KNG1: variants seen among roughly 807,000 people sequenced by gnomAD.
KNG1 encodes the protein kininogen 1, also known as kininogen-1.
KNG1 carries 23 observed loss-of-function variants against 47.8 expected under a neutral mutation model. The observed-to-expected ratio is 0.48, with a 90% confidence interval of 0.35 to 0.68. The LOEUF is 0.68. KNG1 is among the 30% of genes least tolerant of loss of function. The pLI, the probability that KNG1 is intolerant of heterozygous loss-of-function variation, is 0.01. For synonymous variants in KNG1, 277 were observed against 277.0 expected (o/e 1.00, Z 0.00); for missense variants, 762 against 790.2 (o/e 0.96, Z 0.43).
At chr3:186,738,976 T>A (rs1325818706) in intron 7 of KNG1, 123 bp from the exon 8 acceptor site, 1 of 804,702 alleles carries the variant, frequency 1.2e-6, no homozygotes, top group Non-Finnish European at 2.1e-6. Flanking sequence ...TGTACTTTTT[T>A]GTATGTAACT....
intron 1 of KNG1, among the ~76,000 whole-genome samples, chr3:186,719,264 C>T (rs746392327): frequency 5.9e-5 from 9 of 151,904 alleles, no homozygotes; most frequent in Admixed American, 3.3e-4. Context: ...AATTATATCT[C>T]AATAAAGCTG....
At chr3:186,727,474 T>G in intron 5 of KNG1, 130 bp downstream of exon 5, 1 of 690,108 alleles carries the variant, frequency 1.4e-6, no homozygotes, top group South Asian at 1.6e-5. Context: ...TCACATTTAC[T>G]TGGGAAGACT....
Position 186,742,122 on chromosome 3 carries a change from A to C in KNG1, c.1726A>C (p.Ile576Leu). 6.2e-7 allele frequency: 1 copy of C among 1,614,096 alleles called. No individual in the cohort carries two copies. Among genetic ancestry groups the C allele is most frequent in the East Asian group, 2.2e-5 (1 of 44,876 alleles). Residue 576 changes from isoleucine to leucine, a missense_variant, in exon 10 of 10, where the codon ATA (isoleucine) becomes CTA (leucine). Transcript: ENST00000644859. The part of the protein sequence containing the change: ...SDLIATMMPP[I>L]SPAPIQSDDD... ...TCTCATTGCAACTATGATGCCTCCT[A>C]TATCACCAGCTCCCATACAGAGTGA...
At chr3:186,728,134 C>T (rs1247999249) in intron 5 of KNG1, among the ~76,000 whole-genome samples, 1 of 152,164 alleles carries the variant, frequency 6.6e-6, no homozygotes, top group Non-Finnish European at 1.5e-5. Context: ...TCCTTCTTAG[C>T]ATCGTATCTT....
chr3:186,737,617 C>T (rs1160176771), intron 7 of KNG1, among the ~76,000 whole-genome samples: 4 of 151,992 alleles, frequency 2.6e-5, no homozygotes, highest in East Asian at 1.9e-4. Context: ...AGTGTAGTGG[C>T]GTGATCTTGG....
chr3:186,741,564 T>C lies in KNG1; in HGVS notation c.1168T>C (p.Ser390Pro), dbSNP rs1255977429. Reference protein sequence around the residue: ...KRPPGFSPFRSSRIGEIKEET... With the variant: ...KRPPGFSPFRPSRIGEIKEET... ...GCCTCCAGGTTTTTCACCTTTCCGA[T>C]CATCACGAATAGGGGAAATAAAAGA... is the stretch of plus-strand genomic sequence containing the variant. Residue 390 changes from serine to proline, a missense_variant, in exon 10 of 10, where the codon TCA becomes CCA. Coordinates refer to ENST00000644859, the MANE Select transcript of KNG1 (RefSeq NM_001102416.3). 2 of 1,610,428 alleles carry C rather than the reference T, an allele frequency of 1.2e-6. No homozygotes were observed. Among genetic ancestry groups the C allele is most frequent in the Non-Finnish European group, 8.5e-7 (1 of 1,179,118 alleles).
chr3:186,722,463 G>C lies in KNG1; in HGVS notation c.333G>C (p.Val111=). The C allele has an allele frequency of 6.2e-7, 1 of 1,613,884 alleles. No individual in the cohort carries two copies. The highest frequency in any genetic ancestry group is 1.3e-5 in the African/African-American group (1 of 75,030). The change falls in exon 3 of 10, where the codon GTG becomes GTC. Residue 111 remains valine (V), a synonymous_variant. Transcript: ENST00000644859. The stretch of plus-strand genomic sequence containing the variant: ...CCACTGGAGAATGCACGGCAACCGT[G>C]GGGAAGAGGAGCAGTACGAAATTCT... ...KAATGECTAT[V]GKRSSTKFSV... is the part of the protein sequence containing the mutation.
intron 7 of KNG1, among the ~76,000 whole-genome samples, chr3:186,735,455 T>C (rs1720648399): frequency 6.6e-6 from 1 of 151,950 alleles, no homozygotes; most frequent in Non-Finnish European, 1.5e-5. Flanking sequence ...CCATCTCTAC[T>C]AAAAATACAA....
At chr3:186,731,457 G>A (rs368313974) in intron 5 of KNG1, 88 bp from the exon 6 acceptor site, 51 of 773,030 alleles carry the variant, frequency 6.6e-5, no homozygotes, top group African/African-American at 3.3e-4. Context: ...GAAAGTACAC[G>A]TCCTATTCTT....
chr3:186,742,904 A>AG lies in KNG1; in HGVS notation c.*574dup. Reference sequence around the variant, plus strand: ...CTGTCTCAGAAAAAAAGAAAAAAAAAGAAATAATAAGAAAAACTTCCAGAT... The same window carrying AG: ...CTGTCTCAGAAAAAAAGAAAAAAAAAGGAAATAATAAGAAAAACTTCCAGAT... On this transcript the variant is annotated 3_prime_UTR_variant, in exon 10 of 10. Transcript: ENST00000644859. 2.0e-6 allele frequency: 2 copies of AG among 979,306 alleles called. No individual in the cohort carries two copies. The highest frequency in any genetic ancestry group is 2.4e-6 in the Non-Finnish European group (2 of 824,340). 60.7% of individuals were successfully genotyped at this position (979,306 alleles called of 1,614,324 possible).
chr3:186,733,566 T>C (rs1368940140), intron 7 of KNG1, among the ~76,000 whole-genome samples: 1 of 152,162 alleles, frequency 6.6e-6, no homozygotes. Context: ...GTCAGGAGAC[T>C]CAGTTCCACC....
In KNG1 at chr3:186,725,222, C is replaced by T. The variant is rs894637905; in HGVS notation, c.526C>T (p.Leu176Phe). The stretch of plus-strand genomic sequence containing the variant: ...TAACAACAACACTCAACATTCCTCC[C>T]TCTTCATGCTTAATGAAGTAAAACG... Reference protein sequence around the residue: ...YFNNNTQHSSLFMLNEVKRAQ... With the variant: ...YFNNNTQHSSFFMLNEVKRAQ... The change falls in exon 4 of 10, where the codon CTC becomes TTC. Residue 176 changes from leucine (L) to phenylalanine (F), a missense_variant. Coordinates refer to ENST00000644859, the MANE Select transcript of KNG1 (RefSeq NM_001102416.3). 2 of 1,614,140 alleles carry T rather than the reference C, an allele frequency of 1.2e-6. No individual in the cohort carries two copies. The highest frequency in any genetic ancestry group is 1.7e-6 in the Non-Finnish European group (2 of 1,180,016).
intron 5 of KNG1, among the ~76,000 whole-genome samples, chr3:186,730,719 CACACACACACATATATATAT>C (rs1560066023): frequency 1.6e-4 from 18 of 113,844 alleles, no homozygotes; most frequent in African/African-American, 3.2e-4. Context: ...TATATATACA[CACACACACACATATATATAT>C]ACACATATAT....
chr3:186,738,823 G>A (rs1363849345), intron 7 of KNG1: 3 of 348,464 alleles, frequency 8.6e-6, no homozygotes, highest in Non-Finnish European at 1.1e-5. Context: ...TCCAGCCTGG[G>A]CAACAAGAGC....
intron 1 of KNG1, chr3:186,718,116 CCCA>C (rs1219819424): frequency 9.2e-6 from 2 of 216,456 alleles, no homozygotes. Flanking sequence ...CCAACCACCA[CCCA>C]CCACCACTAC....
Position 186,731,548 on chromosome 3 carries a change from A to G in KNG1, c.676A>G (p.Thr226Ala). Residue 226 changes from threonine (T) to alanine (A), a missense_variant, in exon 6 of 10, where the codon ACC becomes GCC. Coordinates refer to ENST00000644859, the MANE Select transcript of KNG1 (RefSeq NM_001102416.3). ...PDCKSLWNGDTGECTDNAYID... is the reference protein window; with the variant it reads ...PDCKSLWNGDAGECTDNAYID... ...TTATATGCTTTTTAAAAACCAGGAT[A>G]CCGGTGAATGTACAGATAATGCATA... 1 of 1,598,676 alleles carries G rather than the reference A, an allele frequency of 6.3e-7. No individual in the cohort carries two copies. The highest frequency in any genetic ancestry group is 8.6e-7 in the Non-Finnish European group (1 of 1,165,978).
chr3:186,739,090 AT>A lies in KNG1; in HGVS notation c.931-4del, dbSNP rs769777177. The A allele has an allele frequency of 3.7e-5, 59 of 1,604,888 alleles. 1 individual carries two copies. In the South Asian group the frequency reaches 5.6e-4, roughly 15 times the overall value. ...TTAAGCGTTTACTTTGTACTAATTA[AT>A]TTTTCAGGTGGTGGCTGGCAAGAAA... On this transcript the variant is annotated splice_polypyrimidine_tract_variant and splice_region_variant and intron_variant, in intron 7 of 9. Coordinates refer to ENST00000644859, the MANE Select transcript of KNG1 (RefSeq NM_001102416.3).
In KNG1 at chr3:186,739,365, C is replaced by T. The variant is rs1431222846; in HGVS notation, c.1076C>T (p.Pro359Leu). The T allele has an allele frequency of 1.9e-6, 3 of 1,613,768 alleles. No individual in the cohort carries two copies. Among genetic ancestry groups the T allele is most frequent in the African/African-American group, 2.7e-5 (2 of 74,856 alleles). The change falls in exon 9 of 10, where the codon CCC (proline) becomes CTC (leucine). Residue 359 changes from proline to leucine, a missense_variant. Pro to Leu is a moderately conservative substitution (Grantham distance 98). Coordinates refer to ENST00000644859, the MANE Select transcript of KNG1 (RefSeq NM_001102416.3). ...LDCNAEVYVV[P>L]WEKKIYPTVN... is the part of the protein sequence containing the mutation. ...TGCAACGCTGAAGTTTATGTGGTAC[C>T]CTGGGAGAAAAAAATTTACCCTACT...
In KNG1 at chr3:186,725,161, C is replaced by A. The variant is rs1315807957; in HGVS notation, c.465C>A (p.Asp155Glu). The change falls in exon 4 of 10, where the codon GAC becomes GAA. Residue 155 changes from aspartate to glutamate, a missense_variant. By Grantham distance (45) the Asp-to-Glu change is conservative. Coordinates refer to ENST00000644859, the MANE Select transcript of KNG1 (RefSeq NM_001102416.3). The stretch of plus-strand genomic sequence containing the variant: ...ATCCTATATCAACGCAGAGCCCAGA[C>A]CTGGAGCCCATTCTGAGACACGGCA... ...CVHPISTQSP[D>E]LEPILRHGIQ... The A allele has an allele frequency of 1.2e-6, 2 of 1,614,158 alleles. No homozygotes were observed. The highest frequency in any genetic ancestry group is 1.7e-5 in the Admixed American group (1 of 60,016).
Sources: allele counts gnomAD v4.1 joint callset (sites outside exome capture counted in the v4.1 genomes callset), GRCh38; gene constraint gnomAD v4.1.1; transcripts MANE v1.5; gene names NCBI Gene and HGNC (gene_info 2026-07-23, HGNC 2026-07-21).